Variants in DIXDC1 observed in about 807,000 individuals in gnomAD.
DIXDC1 encodes DIX domain containing 1, also known as dixin.
A neutral mutation model predicts 103.1 loss-of-function variants in DIXDC1; 64 were observed. The observed-to-expected ratio is 0.62, with a 90% CI of 0.51 to 0.76. The LOEUF is 0.76. Ranked by LOEUF, DIXDC1 falls within the 30% of genes least tolerant of loss-of-function variation. The pLI, the probability that DIXDC1 is intolerant of heterozygous loss-of-function variation, is 0.00. For missense variants in DIXDC1, 759 were observed against 834.2 expected (o/e 0.91, Z 1.11); for synonymous variants, 266 against 298.5 (o/e 0.89, Z 1.12).
At position 111,937,417 on chromosome 11, in the gene DIXDC1, G is replaced by A. The variant is rs587739131; in HGVS notation, c.-83G>A. The A allele has an allele frequency of 1.6e-4, 241 of 1,531,988 alleles. 1 individual carries two copies. The East Asian group carries it at 5.2e-3, about 33-fold the overall frequency. 94.9% of individuals were successfully genotyped at this position (1,531,988 alleles called of 1,614,324 possible). A position where few individuals can be genotyped will look rare whatever the true frequency, so the allele number is the denominator to read the frequency against. ...GGGATCCCAATGAGCTGAGCCGAGA[G>A]CCTTTGTGTGCAGAGGGAGGAGGAG... On this transcript the variant is annotated 5_prime_UTR_variant, in exon 1 of 20. Coordinates refer to ENST00000440460, the MANE Select transcript of DIXDC1 (RefSeq NM_001037954.4).
rs118114846 is a variant in DIXDC1 at position 112,001,331 on chromosome 11, C to T, written c.1756+5185C>T. The stretch of plus-strand genomic sequence containing the variant: ...AGGAATAGGGAATAACCACTCAGTG[C>T]ATACAGGTTTTCTTTTGGGATGATG... On this transcript the variant is annotated intron_variant, in intron 17 of 19. Transcript: ENST00000440460. Among the ~76,000 whole-genome samples the T allele has an allele frequency of 2.0e-4, 30 of 152,280 alleles. 1 individual carries two copies. The East Asian group carries it at 5.8e-3, about 29-fold the overall frequency.
intron 17 of DIXDC1, among the ~76,000 whole-genome samples, chr11:112,013,313 T>TTGGGGGGGGGGG (rs1861480956): frequency 8.7e-4 from 1 of 1,144 alleles, no homozygotes; most frequent in African/African-American, 4.0e-3. Context: ...AGTTGACGGG[T>TTGGGGGGGGGGG]CGGGGGGTGG....
chr11:111,986,471 T>A (rs587758678), intron 8 of DIXDC1, among the ~76,000 whole-genome samples: 2 of 151,550 alleles, frequency 1.3e-5, no homozygotes, highest in Non-Finnish European at 2.9e-5. Flanking sequence ...TTCAAGTGAT[T>A]CTCCTGCCTC....
chr11:111,992,829 C>T (rs1409798889), intron 11 of DIXDC1, 122 bp from the exon 12 acceptor site: 4 of 982,676 alleles, frequency 4.1e-6, no homozygotes, highest in East Asian at 2.6e-5. Context: ...GTATTTTTAC[C>T]ATCATACCCT....
chr11:111,938,776 GA>G (rs1390357124), intron 1 of DIXDC1, among the ~76,000 whole-genome samples: 4 of 152,202 alleles, frequency 2.6e-5, no homozygotes, highest in African/African-American at 9.7e-5. Flanking sequence ...TAACACAGAG[GA>G]AAACTGCAGA....
rs140295568 is a variant in DIXDC1 at position 111,983,550 on chromosome 11, G to A, written c.918+1063G>A. On this transcript the variant is annotated intron_variant, in intron 7 of 19. Coordinates refer to ENST00000440460, the MANE Select transcript of DIXDC1 (RefSeq NM_001037954.4). ...CACTCCATTAACAAATACCTTAATG[G>A]AATGTTTTTGTGTGTGTTTTACTTG... Among the ~76,000 whole-genome samples the A allele has an allele frequency of 3.2e-4, 48 of 152,228 alleles. 1 individual carries two copies. Among genetic ancestry groups the A allele is most frequent in the African/African-American group, 1.0e-3 (43 of 41,546 alleles).
intron 3 of DIXDC1, among the ~76,000 whole-genome samples, chr11:111,971,692 C>G (rs996951922): frequency 6.6e-6 from 1 of 151,486 alleles, no homozygotes; most frequent in South Asian, 2.1e-4. Flanking sequence ...AGGTGCCCAT[C>G]AACAGTGCAG....
chr11:111,995,998 T>C, intron 16 of DIXDC1, 82 bp from the exon 17 acceptor site: 3 of 1,276,550 alleles, frequency 2.4e-6, no homozygotes. Flanking sequence ...TGTAGTATTT[T>C]AAGCACACTT....
At chr11:111,944,312 A>G (rs936346292) in intron 1 of DIXDC1, among the ~76,000 whole-genome samples, 2 of 152,338 alleles carry the variant, frequency 1.3e-5, no homozygotes, top group South Asian at 2.1e-4. Context: ...GCCAGCAGGA[A>G]AACATAGAGT....
At chr11:111,949,304 C>T (rs374114038) in intron 1 of DIXDC1, among the ~76,000 whole-genome samples, 4,961 of 151,838 alleles carry the variant, frequency 0.033, 297 homozygotes, top group African/African-American at 0.11. Flanking sequence ...CTACAAATAG[C>T]TCAGACTCTC....
chr11:111,996,084 G>A lies in DIXDC1; in HGVS notation c.1694G>A (p.Arg565Gln), dbSNP rs781817418. 2.1e-5 allele frequency: 34 copies of A among 1,613,290 alleles called. No homozygotes were observed. Among genetic ancestry groups the A allele is most frequent in the Middle Eastern group, 1.6e-4 (1 of 6,082 alleles). ...GATTTTTGTGTGGCTCCCCAGGTTCGGGTCAAGTCACCCAGAACTCAAGTA... is the reference window on the plus strand; with the variant it reads ...GATTTTTGTGTGGCTCCCCAGGTTCAGGTCAAGTCACCCAGAACTCAAGTA... ...ETQKKQERKV[R>Q]VKSPRTQVGS... Residue 565 changes from arginine to glutamine, a missense_variant, in exon 17 of 20, where the codon CGG (arginine) becomes CAG (glutamine). Coordinates refer to ENST00000440460, the MANE Select transcript of DIXDC1 (RefSeq NM_001037954.4).
rs1286231636 is a variant in DIXDC1 at position 111,976,240 on chromosome 11, A to C, written c.656+1257A>C. Among the ~76,000 whole-genome samples, 1 of 152,142 alleles carries C rather than the reference A, an allele frequency of 6.6e-6. No homozygotes were observed. The highest frequency in any genetic ancestry group is 1.9e-4 in the East Asian group (1 of 5,188). On this transcript the variant is annotated intron_variant, in intron 5 of 19. Transcript: ENST00000440460. This position sits in a 1 kb window ranked among gnomAD's most constrained non-coding sequence, Gnocchi z 4.3. ...GGCCTTTCACTCTTCTGAGCCTGAT[A>C]GTGCCTGCTAGAGTTGGTGGTAGGA...
rs970954521 is a variant in DIXDC1, at chr11:111,977,335, C to T, written c.656+2352C>T. 11 of 1,055,498 alleles carry T rather than the reference C, an allele frequency of 1.0e-5. No individual in the cohort carries two copies. In the African/African-American group the frequency reaches 1.9e-4, roughly 18 times the overall value. 65.4% of individuals were successfully genotyped at this position (1,055,498 alleles called of 1,614,324 possible). On this transcript the variant is annotated intron_variant, in intron 5 of 19. Transcript: ENST00000440460. The surrounding 1 kb of genome is among the most constrained non-coding windows in gnomAD (Gnocchi z 6.1). The stretch of plus-strand genomic sequence containing the variant: ...TCCGGAAGGTGGCACGGAGTGGGAT[C>T]GCCGCTGGGGACTCGAGGCGCAGCC...
intron 1 of DIXDC1, among the ~76,000 whole-genome samples, chr11:111,941,670 G>T (rs1440284607): frequency 6.6e-6 from 1 of 151,588 alleles, no homozygotes; most frequent in Non-Finnish European, 1.5e-5. Context: ...AAAAAAATGA[G>T]CTGGGCATGG....
At position 111,992,815 on chromosome 11, in the gene DIXDC1, C is replaced by T; in HGVS notation, c.1219-136C>T. On this transcript the variant is annotated intron_variant, in intron 11 of 19. Transcript: ENST00000440460. Reference sequence around the variant, plus strand: ...ACTTCACTAAAAATGTGGAGAGCAGCTGTGTATTTTTACCATCATACCCTC... The same window carrying T: ...ACTTCACTAAAAATGTGGAGAGCAGTTGTGTATTTTTACCATCATACCCTC... 7 of 881,680 alleles carry T rather than the reference C, an allele frequency of 7.9e-6. No homozygotes were observed. In the South Asian group the frequency reaches 1.2e-4, roughly 15 times the overall value. 54.6% of individuals were successfully genotyped at this position (881,680 alleles called of 1,614,324 possible).
intron 17 of DIXDC1, among the ~76,000 whole-genome samples, chr11:112,015,025 C>G (rs1217474799): frequency 2.6e-5 from 4 of 152,072 alleles, no homozygotes; most frequent in Non-Finnish European, 5.9e-5. Context: ...GCTGGGACTA[C>G]AGGCACATGC....
chr11:111,932,722 C>A (rs1431796929), upstream of DIXDC1, among the ~76,000 whole-genome samples: 2 of 152,168 alleles, frequency 1.3e-5, no homozygotes, highest in Non-Finnish European at 2.9e-5. Flanking sequence ...TGTCTTTCTC[C>A]CTTCTTCTGC....
rs1403122892 is a variant in DIXDC1 at position 111,998,262 on chromosome 11, G to A, written c.1756+2116G>A. Among the ~76,000 whole-genome samples, 3 of 152,206 alleles carry A rather than the reference G, an allele frequency of 2.0e-5. No homozygotes were observed. The highest frequency in any genetic ancestry group is 7.2e-5 in the African/African-American group (3 of 41,454). ...ATCAATGTTAGATGCTGGAGATATA[G>A]AGATGAAGAGGTTAGACTTGGCACT... is the stretch of plus-strand genomic sequence containing the variant. On this transcript the variant is annotated intron_variant, in intron 17 of 19. Coordinates refer to ENST00000440460, the MANE Select transcript of DIXDC1 (RefSeq NM_001037954.4). This position sits in a 1 kb window ranked among gnomAD's most constrained non-coding sequence, Gnocchi z 4.1.
At chr11:111,972,903 A>G (rs1555172194) in intron 3 of DIXDC1, among the ~76,000 whole-genome samples, 2 of 151,850 alleles carry the variant, frequency 1.3e-5, no homozygotes, top group African/African-American at 4.8e-5. Context: ...TACTAAAAAT[A>G]CAAACATTAG....
Sources: gnomAD v4.1 joint callset for allele counts (sites outside exome capture counted in the v4.1 genomes callset) on GRCh38, gnomAD v4.1.1 for gene constraint, Gnocchi (gnomAD v3.1) non-coding constraint, MANE v1.5 for transcripts, NCBI Gene and HGNC (gene_info 2026-07-23, HGNC 2026-07-21) for gene names.